ADGRA3: variants seen among roughly 807,000 people sequenced by gnomAD.
ADGRA3 encodes the protein adhesion G protein-coupled receptor A3.
Under a neutral mutation model 119.8 loss-of-function variants are expected in ADGRA3, and 56 were observed. The ratio of observed to expected loss-of-function variants is 0.47; its 90% CI spans 0.38 to 0.58. ADGRA3 has a LOEUF of 0.58. Ranked by LOEUF, ADGRA3 falls within the 20% of genes least tolerant of loss-of-function variation. The pLI is 0.00. For missense variants in ADGRA3, 1,516 were observed against 1,649.0 expected, an observed-to-expected ratio of 0.92 and a Z score of 1.40; for synonymous variants, 607 against 623.8, an observed-to-expected ratio of 0.97 and a Z score of 0.40.
At chr4:22,465,521 G>A (rs1394092705) in intron 2 of ADGRA3, among the ~76,000 whole-genome samples, 1 of 152,128 alleles carries the variant, frequency 6.6e-6, no homozygotes, top group East Asian at 1.9e-4. Flanking sequence ...AAAATGGTGA[G>A]CCCCTGGATC....
chr4:22,469,975 T>A (rs1347937222), intron 2 of ADGRA3, among the ~76,000 whole-genome samples: 2 of 152,216 alleles, frequency 1.3e-5, no homozygotes, highest in African/African-American at 4.8e-5. Flanking sequence ...ATGTATATCC[T>A]ATGTTTCTCC....
rs1344581399 is a variant in ADGRA3 at position 22,389,081 on chromosome 4, T to C, written c.2723+7A>G. 4.3e-6 allele frequency: 7 copies of C among 1,612,502 alleles called. No individual in the cohort carries two copies. The African/African-American group carries it at 5.3e-5, about 12-fold the overall frequency. On this transcript the variant is annotated splice_region_variant and intron_variant, in intron 18 of 18. Transcript: ENST00000334304. ...GGTCAAGTACACAGAGAATATAAAA[T>C]ACTCACTAGGGTGCGTTTGGCCGAC...
chr4:22,442,732 C>A lies in ADGRA3; in HGVS notation c.838G>T (p.Asp280Tyr). ...DQDMQVLWYQ[D>Y]GRIVETDESQ... ...TCATCGGTTTCAACTATTCTCCCATCCTGATACCACAACACTTGCATGTCC... is the reference window on the plus strand; with the variant it reads ...TCATCGGTTTCAACTATTCTCCCATACTGATACCACAACACTTGCATGTCC... Residue 280 changes from aspartate (D) to tyrosine (Y), a missense_variant, in exon 7 of 19, where the codon GAT becomes TAT. Asp to Tyr is a radical substitution (Grantham distance 160). Transcript: ENST00000334304. 1 of 1,613,326 alleles carries A rather than the reference C, an allele frequency of 6.2e-7. No homozygotes were observed. Among genetic ancestry groups the A allele is most frequent in the Non-Finnish European group, 8.5e-7 (1 of 1,179,458 alleles).
chr4:22,391,639 C>T (rs925940214), intron 17 of ADGRA3, among the ~76,000 whole-genome samples: 1 of 152,160 alleles, frequency 6.6e-6, no homozygotes, highest in African/African-American at 2.4e-5. Flanking sequence ...TCTAAAATGA[C>T]ACCATGTCAG....
chr4:22,477,077 T>C (rs1311467213), intron 1 of ADGRA3, among the ~76,000 whole-genome samples: 1 of 152,200 alleles, frequency 6.6e-6, no homozygotes, highest in African/African-American at 2.4e-5. Context: ...GAATCTTAAT[T>C]GCTAAGTACA....
intron 1 of ADGRA3, among the ~76,000 whole-genome samples, chr4:22,481,289 A>C (rs1718253490): frequency 6.6e-6 from 1 of 152,162 alleles, no homozygotes. Flanking sequence ...AAAAATCAGG[A>C]ATGTTAACTC....
At position 22,388,657 on chromosome 4, in the gene ADGRA3, A is replaced by G; in HGVS notation, c.3014T>C (p.Leu1005Ser). 1 of 1,614,078 alleles carries G rather than the reference A, an allele frequency of 6.2e-7. No individual in the cohort carries two copies. The highest frequency in any genetic ancestry group is 8.5e-7 in the Non-Finnish European group (1 of 1,180,010). Residue 1005 changes from leucine to serine, a missense_variant, in exon 19 of 19, where the codon TTA (leucine) becomes TCA (serine). By Grantham distance (145) the Leu-to-Ser change is moderately radical. This residue lies in a region of ADGRA3 where 1,088 missense variants were observed against 1,107.1 expected (regional missense o/e 0.98). Transcript: ENST00000334304. ...QLLGASLTLL[L>S]YVALWMFGAL... ...CCCAAACATCCACAGTGCAACATAT[A>G]AGAGCAAAGTAAGGCTGGCCCCCAA...
chr4:22,400,768 G>A (rs185031889), intron 16 of ADGRA3, among the ~76,000 whole-genome samples: 52 of 151,624 alleles, frequency 3.4e-4, no homozygotes, highest in African/African-American at 9.4e-4. Context: ...AAACACAGCC[G>A]ATAAATGGTA....
At chr4:22,392,797 GC>G in intron 16 of ADGRA3, 107 bp from the exon 17 acceptor site, 1 of 964,766 alleles carries the variant, frequency 1.0e-6, no homozygotes, top group Admixed American at 2.8e-5. Flanking sequence ...CAGCAGGAAG[GC>G]CTATCCTAAT....
intron 16 of ADGRA3, among the ~76,000 whole-genome samples, chr4:22,398,347 T>C (rs1714457358): frequency 6.6e-6 from 1 of 152,186 alleles, no homozygotes; most frequent in East Asian, 1.9e-4. Context: ...TAAGCCACAG[T>C]ATCATCTCAC....
chr4:22,494,501 T>A (rs1365239716), intron 1 of ADGRA3, among the ~76,000 whole-genome samples: 1 of 151,936 alleles, frequency 6.6e-6, no homozygotes, highest in East Asian at 1.9e-4. Context: ...AAATTTTTTC[T>A]TGCACGAGCT....
intron 13 of ADGRA3, 22 bp downstream of exon 13, chr4:22,413,579 A>G: frequency 6.3e-7 from 1 of 1,599,822 alleles, no homozygotes; most frequent in Non-Finnish European, 8.6e-7. Flanking sequence ...TGACTACAGG[A>G]TAACATATGC....
At chr4:22,473,650 G>T in intron 2 of ADGRA3, 122 bp downstream of exon 2, 7 of 565,078 alleles carry the variant, frequency 1.2e-5, no homozygotes, top group Non-Finnish European at 3.0e-6. Flanking sequence ...ATTAAAAAAT[G>T]TTAGAAAAAC....
In ADGRA3 at chr4:22,413,279, T is replaced by C; in HGVS notation, c.2135A>G (p.Gln712Arg). 1.9e-6 allele frequency: 3 copies of C among 1,614,094 alleles called. No individual in the cohort carries two copies. The highest frequency in any genetic ancestry group is 1.6e-4 in the Middle Eastern group (1 of 6,062). Reference sequence around the variant, plus strand: ...GCACCCATCTGACTTCCAGCCTCCTTGTCCGTTCAGCAAATCGAAATCCCA... The same window carrying C: ...GCACCCATCTGACTTCCAGCCTCCTCGTCCGTTCAGCAAATCGAAATCCCA... The part of the protein sequence containing the change: ...ARWDFDLLNG[Q>R]GGWKSDGCHI... Residue 712 changes from glutamine to arginine, a missense_variant, in exon 14 of 19, where the codon CAA becomes CGA. Gln to Arg is a conservative substitution (Grantham distance 43, BLOSUM62 1). This residue lies in a region of ADGRA3 where 1,088 missense variants were observed against 1,107.1 expected (regional missense o/e 0.98). Coordinates refer to ENST00000334304, the MANE Select transcript of ADGRA3 (RefSeq NM_145290.4).
chr4:22,396,757 T>A (rs1254958754), intron 16 of ADGRA3, among the ~76,000 whole-genome samples: 1 of 82,622 alleles, frequency 1.2e-5, no homozygotes, highest in African/African-American at 4.0e-5. Context: ...CAATGAAACG[T>A]CTAGACTTGC....
chr4:22,394,487 T>C (rs1404000672), intron 16 of ADGRA3: 2 of 152,194 alleles, frequency 1.3e-5, no homozygotes, highest in African/African-American at 4.8e-5. Flanking sequence ...ACAGAAAGCA[T>C]AAAATAACCC....
At chr4:22,497,724 C>T (rs1302982762) in intron 1 of ADGRA3, among the ~76,000 whole-genome samples, 1 of 127,132 alleles carries the variant, frequency 7.9e-6, no homozygotes, top group Non-Finnish European at 1.6e-5. Flanking sequence ...TTGAGGCGTA[C>T]GTTACAGTGA....
chr4:22,401,334 A>G, intron 16 of ADGRA3, 97 bp downstream of exon 16: 1 of 1,072,808 alleles, frequency 9.3e-7, no homozygotes, highest in Admixed American at 2.6e-5. Context: ...TCAGTTAAAG[A>G]AAAGGTATTA....
chr4:22,466,662 C>T (rs1390787737), intron 2 of ADGRA3, among the ~76,000 whole-genome samples: 13 of 151,414 alleles, frequency 8.6e-5, no homozygotes, highest in Non-Finnish European at 1.5e-5. Context: ...GCTGCAGTGC[C>T]GAGATCACAC....
Sources: allele counts gnomAD v4.1 joint callset (sites outside exome capture counted in the v4.1 genomes callset), GRCh38; gene constraint gnomAD v4.1.1; regional missense constraint gnomAD v4.1.1; transcripts MANE v1.5; gene names NCBI Gene and HGNC (gene_info 2026-07-23, HGNC 2026-07-21).